Variants in WWC2 observed in about 807,000 individuals in gnomAD.
WWC2 encodes the protein protein WWC2.
Under a neutral mutation model 138.5 loss-of-function variants are expected in WWC2, and 101 were observed. The observed-to-expected ratio is 0.73, with a 90% CI of 0.62 to 0.86. The LOEUF (loss-of-function observed/expected upper bound fraction) is 0.86, where lower values mean the gene tolerates loss of function less well. Among genes scored for constraint, WWC2 ranks in the 40% least tolerant of loss-of-function variants. The pLI is 0.00. For synonymous variants in WWC2, 558 were observed against 538.4 expected, an observed-to-expected ratio of 1.04 and a Z score of -0.50; for missense variants, 1,420 against 1,419.4, an observed-to-expected ratio of 1.00 and a Z score of -0.01.
intron 4 of WWC2, among the ~76,000 whole-genome samples, chr4:183,211,226 C>G (rs1261825671): frequency 6.6e-6 from 1 of 152,126 alleles, no homozygotes; most frequent in African/African-American, 2.4e-5. Context: ...CACCTGTAAT[C>G]CCAGCACTTT....
intron 1 of WWC2, among the ~76,000 whole-genome samples, chr4:183,114,824 TTTTG>T (rs1437517205): frequency 2.6e-5 from 4 of 152,160 alleles, no homozygotes; most frequent in African/African-American, 7.2e-5. Flanking sequence ...GTTTGTTTGT[TTTTG>T]TTTATTTATT....
intron 1 of WWC2, among the ~76,000 whole-genome samples, chr4:183,179,820 A>G (rs951252475): frequency 1.3e-5 from 2 of 152,072 alleles, no homozygotes; most frequent in South Asian, 4.2e-4. Context: ...GAAATCACTC[A>G]CTCACTGTTT....
At chr4:183,289,368 C>A (rs754194387) in intron 20 of WWC2, 25 bp from the exon 21 acceptor site, 1 of 1,603,266 alleles carries the variant, frequency 6.2e-7, no homozygotes, top group Non-Finnish European at 8.5e-7. Flanking sequence ...CCAGGGTGTT[C>A]GTCATTCCGT....
intron 5 of WWC2, among the ~76,000 whole-genome samples, chr4:183,243,737 C>CTGTGTGTGTGTGTGTGTGTG: frequency 7.7e-6 from 1 of 129,996 alleles, no homozygotes; most frequent in East Asian, 2.3e-4. Flanking sequence ...ATTCTAAACA[C>CTGTGTGTGTGTGTGTGTGTG]TGTGTGTGTG....
intron 1 of WWC2, among the ~76,000 whole-genome samples, chr4:183,164,395 C>T (rs12499572): frequency 7.8e-3 from 5 of 640 alleles, no homozygotes; most frequent in African/African-American, 0.022. Flanking sequence ...ATTATATATA[C>T]ATATATATTA....
chr4:183,273,933 T>G lies in WWC2; in HGVS notation c.2562+2692T>G, dbSNP rs375037487. ...TTTGAGTTGTTAACGTGGATCCAGT[T>G]TCATCTTTTTGTATGTGGATATGCA... On this transcript the variant is annotated intron_variant, in intron 16 of 22. Coordinates refer to ENST00000403733, the MANE Select transcript of WWC2 (RefSeq NM_024949.6). 7.9e-5 allele frequency among the ~76,000 whole-genome samples: 12 copies of G among 152,314 alleles called. No homozygotes were observed. In the East Asian group the frequency reaches 1.4e-3, roughly 17 times the overall value.
intron 21 of WWC2, among the ~76,000 whole-genome samples, chr4:183,297,410 CTT>C (rs35089821): frequency 2.7e-4 from 38 of 140,696 alleles, no homozygotes; most frequent in African/African-American, 3.6e-4. Flanking sequence ...GAGATAAACA[CTT>C]TTTTTTTTTT....
At chr4:183,258,859 C>T (rs749801944) in intron 9 of WWC2, among the ~76,000 whole-genome samples, 7 of 152,150 alleles carry the variant, frequency 4.6e-5, no homozygotes, top group Admixed American at 1.3e-4. Flanking sequence ...GACCTTCACA[C>T]GACATAGACT....
chr4:183,155,045 A>C (rs1418190820), intron 1 of WWC2, among the ~76,000 whole-genome samples: 3 of 152,212 alleles, frequency 2.0e-5, no homozygotes, highest in African/African-American at 7.2e-5. Flanking sequence ...CAATAAAAAC[A>C]ATGAGAGGAA....
chr4:183,132,783 G>T (rs1732968699), intron 1 of WWC2, among the ~76,000 whole-genome samples: 1 of 151,438 alleles, frequency 6.6e-6, no homozygotes, highest in African/African-American at 2.4e-5. Context: ...GTAATCAAAT[G>T]ATTTTTTTTT....
chr4:183,287,017 C>T (rs907579214), intron 20 of WWC2, among the ~76,000 whole-genome samples: 1 of 152,080 alleles, frequency 6.6e-6, no homozygotes, highest in African/African-American at 2.4e-5. Context: ...CAGGGACACA[C>T]GGCATGAGGA....
intron 1 of WWC2, among the ~76,000 whole-genome samples, chr4:183,186,382 C>T (rs1490902826): frequency 6.6e-6 from 1 of 152,084 alleles, no homozygotes; most frequent in Non-Finnish European, 1.5e-5. Flanking sequence ...CGTGAAGTAA[C>T]TGTAGGATTA....
At position 183,299,935 on chromosome 4, in the gene WWC2, G is replaced by T. The variant is rs190351800; in HGVS notation, c.3384+10300G>T. 3.9e-5 allele frequency among the ~76,000 whole-genome samples: 6 copies of T among 152,258 alleles called. No individual in the cohort carries two copies. In the East Asian group the frequency reaches 1.2e-3, roughly 29 times the overall value. On this transcript the variant is annotated intron_variant, in intron 21 of 22. Coordinates refer to ENST00000403733, the MANE Select transcript of WWC2 (RefSeq NM_024949.6). ...CTCCCTTGTCAAGGAAAACTGTCAG[G>T]TCTCAGGGTCACACTCCTTAACCTT...
intron 22 of WWC2, among the ~76,000 whole-genome samples, chr4:183,314,766 G>A (rs1177243051): frequency 2.0e-5 from 3 of 152,182 alleles, no homozygotes. Context: ...GGCATTTTTT[G>A]TTCTTGTTTT....
chr4:183,186,898 C>G (rs1412141633), intron 1 of WWC2, among the ~76,000 whole-genome samples: 1 of 152,126 alleles, frequency 6.6e-6, no homozygotes, highest in Non-Finnish European at 1.5e-5. Flanking sequence ...TCTGAGGACC[C>G]AAGCAGGTGC....
intron 2 of WWC2, among the ~76,000 whole-genome samples, chr4:183,202,434 T>C (rs938667739): frequency 6.6e-6 from 1 of 152,114 alleles, no homozygotes; most frequent in African/African-American, 2.4e-5. Context: ...CAATACACCA[T>C]CCACTGACAA....
At chr4:183,178,202 C>G (rs1201167573) in intron 1 of WWC2, among the ~76,000 whole-genome samples, 1 of 151,986 alleles carries the variant, frequency 6.6e-6, no homozygotes, top group African/African-American at 2.4e-5. Flanking sequence ...TTGTGAAATT[C>G]ATTTATTTTG....
intron 5 of WWC2, among the ~76,000 whole-genome samples, chr4:183,241,291 A>T (rs1240369558): frequency 1.3e-5 from 2 of 152,078 alleles, no homozygotes; most frequent in Non-Finnish European, 2.9e-5. Context: ...GTGGAATCTT[A>T]CTTTACCTTC....
intron 1 of WWC2, among the ~76,000 whole-genome samples, chr4:183,152,162 G>A (rs72697306): frequency 0.042 from 6,452 of 152,052 alleles, 166 homozygotes; most frequent in African/African-American, 0.069. Context: ...AGGATTTAAC[G>A]TTTATTAAGT....
Sources: gnomAD v4.1 joint callset for allele counts (sites outside exome capture counted in the v4.1 genomes callset) on GRCh38, gnomAD v4.1.1 for gene constraint, MANE v1.5 for transcripts, NCBI Gene and HGNC (gene_info 2026-07-23, HGNC 2026-07-21) for gene names.